The following OSBPL8 variants were observed in gnomAD, a reference collection of about 807,000 sequenced individuals.
OSBPL8 encodes the protein oxysterol binding protein like 8.
In OSBPL8, 59 loss-of-function variants were observed where a neutral mutation model predicts 125.5. The observed-to-expected ratio is 0.47, with a 90% CI of 0.38 to 0.58. OSBPL8 has a LOEUF of 0.58. Among genes scored for constraint, OSBPL8 ranks in the 20% least tolerant of loss-of-function variants. The pLI, the probability that OSBPL8 is intolerant of heterozygous loss-of-function variation, is 0.00. For missense variants in OSBPL8, 758 were observed against 1,047.8 expected (o/e 0.72, Z 3.82); for synonymous variants, 330 against 338.9 (o/e 0.97, Z 0.29).
chr12:76,477,085 C>T (rs1876898264), intron 2 of OSBPL8, among the ~76,000 whole-genome samples: 1 of 152,146 alleles, frequency 6.6e-6, no homozygotes, highest in African/African-American at 2.4e-5. Context: ...ATTCTTTCTT[C>T]TACTCTCCCA....
intron 1 of OSBPL8, among the ~76,000 whole-genome samples, chr12:76,509,065 G>C (rs1243148746): frequency 1.3e-5 from 2 of 152,138 alleles, no homozygotes; most frequent in African/African-American, 4.8e-5. Context: ...TTGGGGTCTG[G>C]ATCAGGACCC....
chr12:76,439,845 CTAA>C (rs926341386), intron 4 of OSBPL8, among the ~76,000 whole-genome samples: 2 of 152,026 alleles, frequency 1.3e-5, no homozygotes, highest in Admixed American at 1.3e-4. Flanking sequence ...CCTTTCATTC[CTAA>C]TGTTTCTTTT....
At chr12:76,395,405 A>G (rs1489913722) in intron 8 of OSBPL8, among the ~76,000 whole-genome samples, 2 of 152,238 alleles carry the variant, frequency 1.3e-5, no homozygotes, top group African/African-American at 4.8e-5. Context: ...ACAAAAGCAT[A>G]ATTTTTAAGT....
intron 4 of OSBPL8, among the ~76,000 whole-genome samples, chr12:76,430,584 C>A (rs1163143905): frequency 6.6e-6 from 1 of 152,116 alleles, no homozygotes; most frequent in Non-Finnish European, 1.5e-5. Context: ...ACAAATAATT[C>A]AAAATGATTT....
chr12:76,554,080 A>C (rs75772052), intron 1 of OSBPL8, among the ~76,000 whole-genome samples: 178 of 152,132 alleles, frequency 1.2e-3, no homozygotes, highest in African/African-American at 4.2e-3. Flanking sequence ...AGCTTTAAAT[A>C]CTGTTATCTA....
chr12:76,399,850 T>C, intron 7 of OSBPL8, 23 bp downstream of exon 7: 2 of 1,555,364 alleles, frequency 1.3e-6, no homozygotes, highest in Non-Finnish European at 1.7e-6. Context: ...GCAATCTGAA[T>C]TCATGATTCA....
intron 4 of OSBPL8, among the ~76,000 whole-genome samples, chr12:76,444,109 G>A (rs527265903): frequency 1.7e-4 from 26 of 152,118 alleles, no homozygotes; most frequent in African/African-American, 4.8e-4. Flanking sequence ...AAACCAGAGT[G>A]CAAAAAACTT....
At chr12:76,472,533 C>A (rs1796016308) in intron 2 of OSBPL8, among the ~76,000 whole-genome samples, 1 of 152,054 alleles carries the variant, frequency 6.6e-6, no homozygotes, top group Non-Finnish European at 1.5e-5. Flanking sequence ...GAATGCCAGG[C>A]TGTGCTGATA....
chr12:76,483,097 T>C (rs1195547854), intron 2 of OSBPL8, among the ~76,000 whole-genome samples: 1 of 151,986 alleles, frequency 6.6e-6, no homozygotes, highest in African/African-American at 2.4e-5. Context: ...CTGTCTCTAC[T>C]AAAAATACAA....
At chr12:76,502,577 A>T (rs1880012764) in intron 1 of OSBPL8, among the ~76,000 whole-genome samples, 1 of 152,182 alleles carries the variant, frequency 6.6e-6, no homozygotes, top group Non-Finnish European at 1.5e-5. Context: ...ATACGATGGG[A>T]TATTTCAGAT....
chr12:76,533,128 CAT>C (rs1950393726), intron 1 of OSBPL8, among the ~76,000 whole-genome samples: 1 of 152,048 alleles, frequency 6.6e-6, no homozygotes, highest in African/African-American at 2.4e-5. Context: ...CAATGTCAGA[CAT>C]AGAACATTTT....
chr12:76,416,279 GAAT>G (rs1302758749), intron 4 of OSBPL8, among the ~76,000 whole-genome samples: 1 of 151,874 alleles, frequency 6.6e-6, no homozygotes, highest in Non-Finnish European at 1.5e-5. Context: ...AATATGTTCT[GAAT>G]AATTTTAATA....
intron 1 of OSBPL8, among the ~76,000 whole-genome samples, chr12:76,498,761 C>A (rs1879556396): frequency 6.9e-6 from 1 of 145,842 alleles, no homozygotes; most frequent in Admixed American, 6.8e-5. Context: ...ACAGGGTCAC[C>A]CAGAATGGAG....
chr12:76,401,924 G>A (rs1045635319), intron 6 of OSBPL8, among the ~76,000 whole-genome samples: 2 of 152,052 alleles, frequency 1.3e-5, no homozygotes, highest in Admixed American at 6.6e-5. Flanking sequence ...AATTTGGATG[G>A]GAAAAGAGTG....
Position 76,355,917 on chromosome 12 carries a change from T to C in OSBPL8, c.2642A>G (p.Gln881Arg). ...YFIIFLLILL[Q>R]VIINFMFK ...CTTGAACATGAAGTTTATTATGACT[T>C]GAAGCAAAATCAGGAGGAAAATGAT... is the stretch of plus-strand genomic sequence containing the variant. The change falls in exon 24 of 24, where the codon CAA becomes CGA. Residue 881 changes from glutamine to arginine, a missense_variant. Coordinates refer to ENST00000261183, the MANE Select transcript of OSBPL8 (RefSeq NM_020841.5). 1 of 1,613,632 alleles carries C rather than the reference T, an allele frequency of 6.2e-7. No homozygotes were observed. The highest frequency in any genetic ancestry group is 8.5e-7 in the Non-Finnish European group (1 of 1,179,690).
At chr12:76,405,264 G>A (rs559945877) in intron 5 of OSBPL8, among the ~76,000 whole-genome samples, 1 of 152,158 alleles carries the variant, frequency 6.6e-6, no homozygotes, top group South Asian at 2.1e-4. Context: ...TTCAAAACCG[G>A]CCTGGGCAAC....
At chr12:76,375,741 TAA>T (rs75181715) in intron 16 of OSBPL8, among the ~76,000 whole-genome samples, 61 of 146,754 alleles carry the variant, frequency 4.2e-4, no homozygotes, top group African/African-American at 1.3e-3. Context: ...CACATTGTTT[TAA>T]AAAAAAAAAA....
At chr12:76,541,893 C>T (rs117209912) in intron 1 of OSBPL8, among the ~76,000 whole-genome samples, 2,347 of 151,902 alleles carry the variant, frequency 0.015, 18 homozygotes, top group Middle Eastern at 0.034. Context: ...AAAAGTAGGC[C>T]GGGTGCAGTG....
intron 1 of OSBPL8, among the ~76,000 whole-genome samples, chr12:76,521,771 T>C (rs1882081490): frequency 6.6e-6 from 1 of 152,294 alleles, no homozygotes; most frequent in Middle Eastern, 3.4e-3. Context: ...GAAAGTGGAA[T>C]GATGATCGCC....
Sources: gnomAD v4.1 joint callset for allele counts (sites outside exome capture counted in the v4.1 genomes callset) on GRCh38, gnomAD v4.1.1 for gene constraint, MANE v1.5 for transcripts, NCBI Gene and HGNC (gene_info 2026-07-23, HGNC 2026-07-21) for gene names.